The following ZNF267 variants were observed in gnomAD, a reference collection of about 807,000 sequenced individuals.
The protein encoded by ZNF267 is zinc finger (C2H2).
In ZNF267, 61 loss-of-function variants were observed where a neutral mutation model predicts 71.6. The ratio of observed to expected loss-of-function variants is 0.85; its 90% CI spans 0.69 to 1.05. The LOEUF is 1.05. ZNF267 is among the 50% of genes least tolerant of loss of function. The pLI is 0.00. For synonymous variants in ZNF267, 288 were observed against 293.2 expected (o/e 0.98, Z 0.18); for missense variants, 852 against 870.0 (o/e 0.98, Z 0.26).
At chr16:31,898,011 TA>T in intron 3 of ZNF267, among the ~76,000 whole-genome samples, 1 of 152,300 alleles carries the variant, frequency 6.6e-6, no homozygotes, top group South Asian at 2.1e-4. Context: ...TCTGTTTCCT[TA>T]TTGATCTTCT....
intron 3 of ZNF267, among the ~76,000 whole-genome samples, chr16:31,910,227 A>G (rs769549967): frequency 5.4e-5 from 8 of 148,268 alleles, no homozygotes; most frequent in Non-Finnish European, 1.0e-4. Flanking sequence ...CTTTTGATGT[A>G]TCTTTTTCTG....
chr16:31,915,479 T>C lies in ZNF267; in HGVS notation c.1230T>C (p.Cys410=). Residue 410 remains cysteine, a synonymous_variant, in exon 4 of 4, where the codon TGT becomes TGC. Coordinates refer to ENST00000300870, the MANE Select transcript of ZNF267 (RefSeq NM_003414.6). ...RIHTGEKPYK[C]KECGKAFRCS... ...ACACTGGAGAGAAACCATACAAATG[T>C]AAAGAATGTGGCAAAGCCTTTCGCT... 1 of 1,613,794 alleles carries C rather than the reference T, an allele frequency of 6.2e-7. No individual in the cohort carries two copies. Among genetic ancestry groups the C allele is most frequent in the Non-Finnish European group, 8.5e-7 (1 of 1,179,900 alleles).
chr16:31,886,586 T>C (rs2083926076), intron 3 of ZNF267, among the ~76,000 whole-genome samples: 1 of 152,216 alleles, frequency 6.6e-6, no homozygotes. Flanking sequence ...ATGGAAAAAT[T>C]GTTTTCCATA....
Position 31,873,880 on chromosome 16 carries a change from A to C in ZNF267, c.-87A>C. 6.3e-7 allele frequency: 1 copy of C among 1,581,524 alleles called. No homozygotes were observed. The highest frequency in any genetic ancestry group is 1.1e-5 in the South Asian group (1 of 90,372). ...GAGGCCCAGGCGGCTTCGCGTTCTG[A>C]GAATAAACAGAACCTCTGTTGCTCT... On this transcript the variant is annotated 5_prime_UTR_variant, in exon 1 of 4. Coordinates refer to ENST00000300870, the MANE Select transcript of ZNF267 (RefSeq NM_003414.6).
chr16:31,898,061 G>A (rs189872746), intron 3 of ZNF267, among the ~76,000 whole-genome samples: 220 of 152,242 alleles, frequency 1.4e-3, no homozygotes, highest in African/African-American at 5.2e-3. Context: ...ATTACTGAAA[G>A]TGGAGTATGG....
At chr16:31,885,503 TGGCCTGTGAG>T (rs2083918324) in intron 3 of ZNF267, among the ~76,000 whole-genome samples, 1 of 152,224 alleles carries the variant, frequency 6.6e-6, no homozygotes, top group East Asian at 1.9e-4. Flanking sequence ...GTGCTCCCCT[TGGCCTGTGAG>T]GGCCTGCTTG....
intron 3 of ZNF267, chr16:31,890,062 A>G (rs570207105): frequency 6.6e-6 from 1 of 152,312 alleles, no homozygotes; most frequent in Non-Finnish European, 1.5e-5. Flanking sequence ...TCTATCCTGG[A>G]GAATATTCCA....
chr16:31,909,400 T>C (rs2084118874), intron 3 of ZNF267, among the ~76,000 whole-genome samples: 1 of 152,160 alleles, frequency 6.6e-6, no homozygotes, highest in African/African-American at 2.4e-5. Flanking sequence ...CCTAGGGTGC[T>C]GGGATTACAG....
intron 1 of ZNF267, chr16:31,875,129 G>GTTTTGC (rs773199571): frequency 2.3e-6 from 3 of 1,289,110 alleles, no homozygotes; most frequent in South Asian, 2.5e-5. Flanking sequence ...TTGACTTGAG[G>GTTTTGC]TTTTGCTTTG....
rs572043109 is a variant in ZNF267, at chr16:31,909,280, C to T, written c.227-5196C>T. ...CCAAGTAGCTGGGACTCCAGGCATG[C>T]GCCACCGTGCCTGGCTAATTTTTTG... On this transcript the variant is annotated intron_variant, in intron 3 of 3. Transcript: ENST00000300870. 9.8e-4 allele frequency among the ~76,000 whole-genome samples: 149 copies of T among 151,760 alleles called. 1 individual carries two copies. The South Asian group carries it at 0.026, about 27-fold the overall frequency.
Position 31,916,741 on chromosome 16 carries a change from A to G in ZNF267, c.*260A>G. ...GAAACACTATAGATGTAAAAATGTG[A>G]AAAGTTTTATTCAAAATATCAAACT... On this transcript the variant is annotated 3_prime_UTR_variant, in exon 4 of 4. Transcript: ENST00000300870. 1 of 373,698 alleles carries G rather than the reference A, an allele frequency of 2.7e-6. No homozygotes were observed. The highest frequency in any genetic ancestry group is 4.6e-5 in the East Asian group (1 of 21,650). 23.1% of individuals were successfully genotyped at this position (373,698 alleles called of 1,614,324 possible).
At chr16:31,890,532 T>G (rs912165069) in intron 3 of ZNF267, among the ~76,000 whole-genome samples, 10 of 152,232 alleles carry the variant, frequency 6.6e-5, no homozygotes, top group African/African-American at 2.4e-4. Flanking sequence ...ACTGTTAGTT[T>G]AAAAAAATTC....
chr16:31,877,690 C>T (rs2083861499), intron 1 of ZNF267, among the ~76,000 whole-genome samples: 1 of 152,148 alleles, frequency 6.6e-6, no homozygotes, highest in South Asian at 2.1e-4. Flanking sequence ...ATGACTAAAT[C>T]AGGGAGCATC....
At chr16:31,909,870 C>T (rs1020228686) in intron 3 of ZNF267, among the ~76,000 whole-genome samples, 2 of 152,114 alleles carry the variant, frequency 1.3e-5, no homozygotes, top group Non-Finnish European at 2.9e-5. Context: ...AGATTTTTTT[C>T]CTCCATTCAG....
rs1187600813 is a variant in ZNF267, at chr16:31,917,165, A to G, written c.*684A>G. 6.6e-6 allele frequency: 1 copy of G among 152,042 alleles called. No individual in the cohort carries two copies. The highest frequency in any genetic ancestry group is 1.9e-4 in the East Asian group (1 of 5,176). 9.4% of individuals were successfully genotyped at this position (152,042 alleles called of 1,614,324 possible). ...ATATGTGTTCTGTTTTTTTTTCTGC[A>G]TCAGAACAATGTGAGGTCATTCTAC... On this transcript the variant is annotated 3_prime_UTR_variant, in exon 4 of 4. Coordinates refer to ENST00000300870, the MANE Select transcript of ZNF267 (RefSeq NM_003414.6).
intron 3 of ZNF267, among the ~76,000 whole-genome samples, chr16:31,906,606 C>T (rs1457294949): frequency 6.6e-6 from 1 of 152,066 alleles, no homozygotes; most frequent in African/African-American, 2.4e-5. Flanking sequence ...CCTGGTGTGC[C>T]GTTTGTTAAG....
At chr16:31,897,056 G>C (rs2084004639) in intron 3 of ZNF267, among the ~76,000 whole-genome samples, 1 of 150,266 alleles carries the variant, frequency 6.7e-6, no homozygotes, top group East Asian at 2.0e-4. Flanking sequence ...ATCTAAATTG[G>C]AAACGAGGAA....
At chr16:31,889,008 C>T (rs554380705) in intron 3 of ZNF267, among the ~76,000 whole-genome samples, 1 of 151,752 alleles carries the variant, frequency 6.6e-6, no homozygotes, top group Non-Finnish European at 1.5e-5. Flanking sequence ...TTGGGTATTT[C>T]TGTTTCTTCA....
chr16:31,874,191 G>C (rs902086768), intron 1 of ZNF267: 1 of 520,622 alleles, frequency 1.9e-6, no homozygotes, highest in Non-Finnish European at 3.4e-6. Context: ...ACCCCGCAGA[G>C]CGACCTCGTC....
Sources: allele counts gnomAD v4.1 joint callset (sites outside exome capture counted in the v4.1 genomes callset), GRCh38; gene constraint gnomAD v4.1.1; transcripts MANE v1.5; gene names NCBI Gene and HGNC (gene_info 2026-07-23, HGNC 2026-07-21).